The following ASPRV1 variants were observed in gnomAD, a reference collection of about 807,000 sequenced individuals.
ASPRV1 encodes the protein retroviral-like aspartic protease 1.
A neutral mutation model predicts 11.0 loss-of-function variants in ASPRV1; 7 were observed. That is an observed-to-expected ratio of 0.64 (90% CI 0.36 to 1.20). The LOEUF (loss-of-function observed/expected upper bound fraction) is 1.20, where lower values mean the gene tolerates loss of function less well. Ranked by LOEUF, ASPRV1 falls within the 50% of genes most tolerant of loss-of-function variation. The probability of loss-of-function intolerance (pLI) is 0.02; values close to 1 mark genes in which losing one functional copy is unlikely to be tolerated. For synonymous variants in ASPRV1, 136 were observed against 138.4 expected (o/e 0.98, Z 0.12); for missense variants, 299 against 320.0 (o/e 0.93, Z 0.50).
At chr2:69,972,191 C>T in the ASPRV1 span, among the ~76,000 whole-genome samples, 3 of 147,496 alleles carry the variant, frequency 2.0e-5, no homozygotes, top group African/African-American at 5.0e-5. Context: ...CCTCCCCAGT[C>T]GCTGAGATTA....
chr2:70,087,178 A>T, the ASPRV1 span: 5 of 152,098 alleles, frequency 3.3e-5, no homozygotes. Flanking sequence ...GGGCAGGAAA[A>T]TAATGTCTAT....
At chr2:69,936,333 C>T in the ASPRV1 span, among the ~76,000 whole-genome samples, 1 of 152,014 alleles carries the variant, frequency 6.6e-6, no homozygotes, top group South Asian at 2.1e-4. Flanking sequence ...ATACACCCCA[C>T]GAGGGAGGGG....
At chr2:70,086,002 CT>C in the ASPRV1 span, 3 of 152,216 alleles carry the variant, frequency 2.0e-5, no homozygotes, top group South Asian at 2.1e-4. Context: ...TACTGCCCCC[CT>C]ATTATCCACT....
the ASPRV1 span, among the ~76,000 whole-genome samples, chr2:70,037,863 G>T: frequency 6.6e-6 from 1 of 151,872 alleles, no homozygotes; most frequent in African/African-American, 2.4e-5. Flanking sequence ...AATCCATTTA[G>T]AATTAATTTT....
At chr2:69,938,663 C>G in the ASPRV1 span, 1 of 173,358 alleles carries the variant, frequency 5.8e-6, no homozygotes, top group Non-Finnish European at 1.2e-5. Flanking sequence ...GGAGGAATGT[C>G]CAAGTGTGTC....
chr2:69,967,659 T>C, the ASPRV1 span, among the ~76,000 whole-genome samples: 2 of 152,304 alleles, frequency 1.3e-5, no homozygotes, highest in South Asian at 2.1e-4. Flanking sequence ...AGTGGTTATT[T>C]TGGGGTAGTA....
At chr2:69,992,650 T>C in the ASPRV1 span, among the ~76,000 whole-genome samples, 1 of 152,238 alleles carries the variant, frequency 6.6e-6, no homozygotes, top group African/African-American at 2.4e-5. Context: ...GAGACCACCA[T>C]TTTGATCAAG....
chr2:70,045,648 G>A, the ASPRV1 span: 1 of 152,246 alleles, frequency 6.6e-6, no homozygotes, highest in Non-Finnish European at 1.5e-5. Context: ...AACTCTGGGG[G>A]CGGGCGGTTT....
the ASPRV1 span, chr2:70,085,975 C>T: frequency 6.6e-6 from 1 of 152,208 alleles, no homozygotes; most frequent in Non-Finnish European, 1.5e-5. Context: ...ACTGTGGGGA[C>T]CCAAATTATC....
chr2:70,004,298 G>A, the ASPRV1 span, among the ~76,000 whole-genome samples: 4 of 152,098 alleles, frequency 2.6e-5, no homozygotes, highest in East Asian at 1.9e-4. Context: ...TTGGGAGGCC[G>A]AGGCGGGCGG....
At chr2:69,940,231 T>C in the ASPRV1 span, 1 of 152,118 alleles carries the variant, frequency 6.6e-6, no homozygotes, top group Non-Finnish European at 1.5e-5. Flanking sequence ...GTATGCCTTT[T>C]GCATTTTTAA....
At chr2:69,938,070 T>C in the ASPRV1 span, 3 of 1,606,922 alleles carry the variant, frequency 1.9e-6, no homozygotes, top group African/African-American at 1.3e-5. Context: ...CTTTCATCAA[T>C]GTCCTTCTCT....
At chr2:70,028,952 T>C in the ASPRV1 span, among the ~76,000 whole-genome samples, 1 of 151,394 alleles carries the variant, frequency 6.6e-6, no homozygotes, top group African/African-American at 2.4e-5. Flanking sequence ...AAAAAATAAA[T>C]AAATAAAATA....
chr2:70,006,770 C>T, the ASPRV1 span, among the ~76,000 whole-genome samples: 1 of 152,212 alleles, frequency 6.6e-6, no homozygotes, highest in Admixed American at 6.5e-5. Context: ...CATAAAATAA[C>T]ATCCTGATCA....
At chr2:69,958,415 A>G (rs188713359), downstream of ASPRV1, among the ~76,000 whole-genome samples, 1 of 152,234 alleles carries the variant, frequency 6.6e-6, no homozygotes, top group African/African-American at 2.4e-5. Context: ...GCAGGGGAAG[A>G]AGGTGTCTGC....
chr2:70,084,995 C>T, the ASPRV1 span, among the ~76,000 whole-genome samples: 1 of 152,212 alleles, frequency 6.6e-6, no homozygotes, highest in African/African-American at 2.4e-5. Flanking sequence ...AATCAGAGCC[C>T]TGCTCAGGCA....
the ASPRV1 span, among the ~76,000 whole-genome samples, chr2:69,967,540 C>T: frequency 2.0e-5 from 3 of 152,178 alleles, no homozygotes; most frequent in East Asian, 1.9e-4. Flanking sequence ...TGCATGTGGA[C>T]GCACAGGATA....
chr2:69,935,632 C>A, the ASPRV1 span, among the ~76,000 whole-genome samples: 1 of 152,152 alleles, frequency 6.6e-6, no homozygotes, highest in Non-Finnish European at 1.5e-5. Flanking sequence ...GAGTGTTTCT[C>A]ACTCCCATGC....
chr2:70,028,208 T>C, the ASPRV1 span, among the ~76,000 whole-genome samples: 1 of 152,280 alleles, frequency 6.6e-6, no homozygotes, highest in South Asian at 2.1e-4. Context: ...GGCACTCTTT[T>C]CCACCCCAAT....
Sources: allele counts gnomAD v4.1 joint callset (sites outside exome capture counted in the v4.1 genomes callset), GRCh38; gene constraint gnomAD v4.1.1; transcripts MANE v1.5; gene names NCBI Gene and HGNC (gene_info 2026-07-23, HGNC 2026-07-21).